The following GPRC5B variants were observed in gnomAD, a reference collection of about 807,000 sequenced individuals.
GPRC5B encodes G protein-coupled receptor family C group 5 member B.
GPRC5B carries 16 observed loss-of-function variants against 30.1 expected under a neutral mutation model. The observed-to-expected ratio is 0.53, with a 90% CI of 0.36 to 0.81. The LOEUF is 0.81. Among genes scored for constraint, GPRC5B ranks in the 30% least tolerant of loss-of-function variants. The pLI is 0.01. For synonymous variants in GPRC5B, 241 were observed against 239.5 expected, an observed-to-expected ratio of 1.01 and a Z score of -0.06; for missense variants, 428 against 544.7, an observed-to-expected ratio of 0.79 and a Z score of 2.13.
Position 19,856,793 on chromosome 16 carries a change from T to C in GPRC5B, c.*3707A>G, listed in dbSNP as rs2056568218. The C allele has an allele frequency of 8.2e-6, 4 of 487,730 alleles. No individual in the cohort carries two copies. Among genetic ancestry groups the C allele is most frequent in the Non-Finnish European group, 1.5e-5 (4 of 274,168 alleles). The allele number at this position is 487,730 out of a possible 1,614,324, so 30.2% of individuals were successfully genotyped here. ...TTTATTCATTCATCCAGATTACTTC[T>C]TCAGTGCCTCAGGAGTATTCTTCTA... is the stretch of plus-strand genomic sequence containing the variant. On this transcript the variant is annotated 3_prime_UTR_variant, in exon 4 of 4. Transcript: ENST00000300571.
At chr16:19,885,387 G>T (rs1438187949), upstream of GPRC5B, 5 of 1,170,386 alleles carry the variant, frequency 4.3e-6, no homozygotes, top group Non-Finnish European at 5.4e-6. This position sits in a 1 kb window ranked among gnomAD's most constrained non-coding sequence, Gnocchi z 5.3. Flanking sequence ...ACACCTAGGC[G>T]CACACACACC....
chr16:19,862,065 C>T (rs540517004), intron 2 of GPRC5B, 92 bp from the exon 3 acceptor site: 6 of 1,134,228 alleles, frequency 5.3e-6, no homozygotes, highest in African/African-American at 1.5e-5. Context: ...CTCCGGGCAC[C>T]CCCATCCACC....
rs934779446 is a variant in GPRC5B at position 19,858,328 on chromosome 16, G to GA, written c.*2171dup. 3.4e-5 allele frequency: 15 copies of GA among 441,992 alleles called. No homozygotes were observed. Among genetic ancestry groups the GA allele is most frequent in the African/African-American group, 2.2e-4 (11 of 49,496 alleles). The allele number at this position is 441,992 out of a possible 1,614,324, so 27.4% of individuals were successfully genotyped here. ...ATAACATATCAGATTTAAAAGGGGG[G>GA]AAAAAGGTCTCATTAAATGAGGCTT... is the stretch of plus-strand genomic sequence containing the variant. On this transcript the variant is annotated 3_prime_UTR_variant, in exon 4 of 4. Coordinates refer to ENST00000300571, the MANE Select transcript of GPRC5B (RefSeq NM_016235.3).
rs1480526710 is a variant in GPRC5B, at chr16:19,881,138, T to C, written c.-2+3589A>G. The C allele has an allele frequency of 2.6e-5, 4 of 152,258 alleles. No homozygotes were observed. The East Asian group carries it at 7.7e-4, about 29-fold the overall frequency. The allele number at this position is 152,258 out of a possible 1,614,324, so 9.4% of individuals were successfully genotyped here. On this transcript the variant is annotated intron_variant, in intron 1 of 3. Transcript: ENST00000300571. ...CTCCCATCAGGCTGAAAGGCCTCAG[T>C]GGGAGGCAGGCCAGAAGAGGGGAGT...
intron 2 of GPRC5B, among the ~76,000 whole-genome samples, chr16:19,869,545 A>C (rs887752345): frequency 2.0e-5 from 3 of 152,012 alleles, no homozygotes; most frequent in African/African-American, 7.2e-5. Flanking sequence ...ATACTTTTCA[A>C]GTATCAATAG....
intron 1 of GPRC5B, chr16:19,880,851 C>T (rs542052997): frequency 6.6e-6 from 1 of 152,430 alleles, no homozygotes; most frequent in Non-Finnish European, 1.5e-5. Flanking sequence ...TCTTACTGGC[C>T]TTGCCCCAGC....
intron 2 of GPRC5B, 91 bp downstream of exon 2, chr16:19,871,724 TG>T: frequency 8.5e-7 from 1 of 1,180,476 alleles, no homozygotes; most frequent in Non-Finnish European, 1.2e-6. Flanking sequence ...CCCCAGGTAC[TG>T]GGACCGCCCA....
At position 19,872,734 on chromosome 16, in the gene GPRC5B, C is replaced by A; in HGVS notation, c.112G>T (p.Gly38Trp). The A allele has an allele frequency of 6.2e-7, 1 of 1,613,804 alleles. No individual in the cohort carries two copies. Among genetic ancestry groups the A allele is most frequent in the Non-Finnish European group, 8.5e-7 (1 of 1,180,028 alleles). Residue 38 changes from glycine (G) to tryptophan (W), a missense_variant, in exon 2 of 4, where the codon GGG becomes TGG. Transcript: ENST00000300571. This position sits in a 1 kb window ranked among gnomAD's most constrained non-coding sequence, Gnocchi z 5.0. ...SENASTSRGC[G>W]LDLLPQYVSL... The stretch of plus-strand genomic sequence containing the variant: ...ACGTACTGAGGGAGGAGGTCCAGCC[C>A]ACAGCCTCGGGATGTGCTGGCGTTT...
At chr16:19,883,270 C>G (rs2056821055) in intron 1 of GPRC5B, among the ~76,000 whole-genome samples, 1 of 152,112 alleles carries the variant, frequency 6.6e-6, no homozygotes, top group South Asian at 2.1e-4. Context: ...GCCTGTGCCC[C>G]CAAATGGCGG....
intron 1 of GPRC5B, among the ~76,000 whole-genome samples, chr16:19,873,838 C>A (rs1405931018): frequency 6.6e-6 from 1 of 152,062 alleles, no homozygotes; most frequent in Non-Finnish European, 1.5e-5. Context: ...AGTGCAGTGG[C>A]GCAATCGGAG....
At chr16:19,885,563 C>G (rs762103634), upstream of GPRC5B, 4 of 1,077,914 alleles carry the variant, frequency 3.7e-6, no homozygotes, top group African/African-American at 6.8e-5. This position sits in a 1 kb window ranked among gnomAD's most constrained non-coding sequence, Gnocchi z 5.3. Context: ...TGGGTCCCTA[C>G]GCAGGATCGC....
At chr16:19,877,941 G>A (rs990974783) in intron 1 of GPRC5B, among the ~76,000 whole-genome samples, 1 of 151,926 alleles carries the variant, frequency 6.6e-6, no homozygotes, top group Non-Finnish European at 1.5e-5. Flanking sequence ...GCTCACGCCT[G>A]TAATCCCAGC....
Position 19,862,364 on chromosome 16 carries a change from G to A in GPRC5B, c.1031-391C>T, listed in dbSNP as rs544294803. ...CTTGCTGTTTCTGGACACACACTGA[G>A]GAGGAAGCTGCTAAGAGTCTTCACT... On this transcript the variant is annotated intron_variant, in intron 2 of 3. Coordinates refer to ENST00000300571, the MANE Select transcript of GPRC5B (RefSeq NM_016235.3). 3 of 194,308 alleles carry A rather than the reference G, an allele frequency of 1.5e-5. No homozygotes were observed. In the East Asian group the frequency reaches 4.3e-4, roughly 28 times the overall value. 12.0% of individuals were successfully genotyped at this position (194,308 alleles called of 1,614,324 possible). A position where few individuals can be genotyped will look rare whatever the true frequency, so the allele number is the denominator to read the frequency against.
rs1461298965 is a variant in GPRC5B at position 19,858,560 on chromosome 16, T to C, written c.*1940A>G. ...GTAACCATTTCCTGGCACGAGAATG[T>C]GTAATGCTGTCGTTTTTTCACCGGA... On this transcript the variant is annotated 3_prime_UTR_variant, in exon 4 of 4. Transcript: ENST00000300571. 6 of 684,514 alleles carry C rather than the reference T, an allele frequency of 8.8e-6. No individual in the cohort carries two copies. Among genetic ancestry groups the C allele is most frequent in the Non-Finnish European group, 1.6e-5 (6 of 377,374 alleles). The allele number at this position is 684,514 out of a possible 1,614,324, so 42.4% of individuals were successfully genotyped here. A position where few individuals can be genotyped will look rare whatever the true frequency, so the allele number is the denominator to read the frequency against.
upstream of GPRC5B, chr16:19,884,871 C>A (rs1455938337): frequency 2.0e-6 from 2 of 981,276 alleles, no homozygotes; most frequent in African/African-American, 3.5e-5. Context: ...CGCTGCCGCG[C>A]GAGGCGCCCC....
intron 1 of GPRC5B, among the ~76,000 whole-genome samples, chr16:19,883,082 C>T (rs1236817821): frequency 6.6e-6 from 1 of 152,198 alleles, no homozygotes; most frequent in Non-Finnish European, 1.5e-5. Flanking sequence ...GATTTCATAG[C>T]CATTTGCTAT....
intron 1 of GPRC5B, among the ~76,000 whole-genome samples, chr16:19,881,816 T>C (rs1165404956): frequency 6.6e-6 from 1 of 152,164 alleles, no homozygotes; most frequent in Non-Finnish European, 1.5e-5. Flanking sequence ...ATTTTCCTGT[T>C]GCGAAAATGA....
chr16:19,864,575 A>T (rs903023652), intron 2 of GPRC5B, among the ~76,000 whole-genome samples: 5 of 152,236 alleles, frequency 3.3e-5, no homozygotes, highest in African/African-American at 4.8e-5. Flanking sequence ...CAGCCTGGAG[A>T]ATGCCCTTCC....
intron 3 of GPRC5B, 108 bp from the exon 4 acceptor site, chr16:19,860,652 C>T (rs1252965263): frequency 1.4e-6 from 1 of 695,346 alleles, no homozygotes; most frequent in Non-Finnish European, 2.6e-6. Flanking sequence ...CTTGCTTTTA[C>T]CTAGATGGGT....
Sources: gnomAD v4.1 joint callset for allele counts (sites outside exome capture counted in the v4.1 genomes callset) on GRCh38, gnomAD v4.1.1 for gene constraint, Gnocchi (gnomAD v3.1) non-coding constraint, MANE v1.5 for transcripts, NCBI Gene and HGNC (gene_info 2026-07-23, HGNC 2026-07-21) for gene names.